Variants in ANO4 observed in about 807,000 individuals in gnomAD.
The protein encoded by ANO4 is anoctamin-4.
ANO4 carries 69 observed loss-of-function variants against 141.9 expected under a neutral mutation model. That is an observed-to-expected ratio of 0.49 (90% CI 0.40 to 0.59). ANO4 has a LOEUF of 0.59. ANO4 is among the 20% of genes least tolerant of loss of function. The pLI is 0.00. For synonymous variants in ANO4, 350 were observed against 394.3 expected (o/e 0.89, Z 1.33); for missense variants, 894 against 1,162.2 (o/e 0.77, Z 3.36).
intron 1 of ANO4, among the ~76,000 whole-genome samples, chr12:100,840,037 C>G (rs1383384917): frequency 6.6e-6 from 1 of 152,002 alleles, no homozygotes; most frequent in Non-Finnish European, 1.5e-5. Context: ...AGGCTGTGGC[C>G]TTTTCCCCAC....
intron 1 of ANO4, among the ~76,000 whole-genome samples, chr12:100,860,845 A>G (rs780950335): frequency 3.3e-5 from 5 of 152,216 alleles, no homozygotes; most frequent in Non-Finnish European, 7.3e-5. Flanking sequence ...TTATCATTGT[A>G]TGACTATCAC....
rs918097634 is a variant in ANO4, at chr12:100,762,699, C to G, written c.358+22594C>G. 3.3e-5 allele frequency among the ~76,000 whole-genome samples: 5 copies of G among 152,216 alleles called. No individual in the cohort carries two copies. In the South Asian group the frequency reaches 8.3e-4, roughly 25 times the overall value. On this transcript the variant is annotated intron_variant, in intron 3 of 29. Transcript: ENST00000644049. ...CGGAGGTCTCAGGCCCTTCCAGAAC[C>G]TGCTCAATTTCTCTCTGGATCAGGC...
intron 8 of ANO4, among the ~76,000 whole-genome samples, chr12:100,999,597 C>G (rs1233002217): frequency 1.3e-5 from 2 of 152,036 alleles, no homozygotes; most frequent in South Asian, 4.2e-4. Flanking sequence ...ATAATATTGC[C>G]TATCACAGCT....
At chr12:100,899,800 AT>A (rs1398887814) in intron 1 of ANO4, among the ~76,000 whole-genome samples, 2 of 152,032 alleles carry the variant, frequency 1.3e-5, no homozygotes, top group African/African-American at 2.4e-5. Context: ...CTTTAAAATA[AT>A]TTTTTTTACA....
intron 1 of ANO4, among the ~76,000 whole-genome samples, chr12:100,854,781 T>A (rs1159410462): frequency 1.3e-5 from 2 of 152,224 alleles, no homozygotes; most frequent in Non-Finnish European, 2.9e-5. Flanking sequence ...ATCTGCTTAA[T>A]CTTCCTCATC....
At chr12:100,834,247 T>TA in intron 1 of ANO4, among the ~76,000 whole-genome samples, 1 of 152,138 alleles carries the variant, frequency 6.6e-6, no homozygotes. Flanking sequence ...TCAGCCCAGC[T>TA]ACACCAGGGC....
At chr12:100,732,469 A>T (rs2031420496) in intron 1 of ANO4, among the ~76,000 whole-genome samples, 1 of 152,168 alleles carries the variant, frequency 6.6e-6, no homozygotes, top group African/African-American at 2.4e-5. Flanking sequence ...TTTATATAAC[A>T]ATCCTTTATC....
chr12:100,984,913 ATT>A (rs57931112), intron 7 of ANO4, among the ~76,000 whole-genome samples: 54 of 150,518 alleles, frequency 3.6e-4, no homozygotes, highest in African/African-American at 6.1e-4. Context: ...GTTATGCCTG[ATT>A]TTTTTTTTTT....
At chr12:100,857,978 T>G (rs926135780) in intron 1 of ANO4, among the ~76,000 whole-genome samples, 3 of 152,190 alleles carry the variant, frequency 2.0e-5, no homozygotes, top group African/African-American at 7.2e-5. Flanking sequence ...ATTTAATTCC[T>G]CAGCAGAGAT....
At chr12:100,960,169 A>G (rs2043352257) in intron 5 of ANO4, among the ~76,000 whole-genome samples, 1 of 152,172 alleles carries the variant, frequency 6.6e-6, no homozygotes, top group Non-Finnish European at 1.5e-5. Flanking sequence ...GAAGGAGAGG[A>G]GAACCGATGC....
chr12:100,988,643 CA>C, intron 8 of ANO4, among the ~76,000 whole-genome samples: 1 of 151,582 alleles, frequency 6.6e-6, no homozygotes, highest in Non-Finnish European at 1.5e-5. Context: ...GAGGCAGAGG[CA>C]GGCAGATCAC....
intron 5 of ANO4, among the ~76,000 whole-genome samples, chr12:100,957,300 A>C (rs1397664504): frequency 6.6e-6 from 1 of 152,134 alleles, no homozygotes; most frequent in Admixed American, 6.5e-5. Context: ...ATAACAACCT[A>C]CTTTTGTGGG....
intron 5 of ANO4, among the ~76,000 whole-genome samples, chr12:100,964,131 A>T (rs1272614218): frequency 1.3e-5 from 2 of 152,150 alleles, no homozygotes; most frequent in East Asian, 3.9e-4. Context: ...ATAATTAAGC[A>T]TTCCTTCAAA....
chr12:101,011,574 G>T (rs2046094464), intron 8 of ANO4, among the ~76,000 whole-genome samples: 2 of 152,170 alleles, frequency 1.3e-5, no homozygotes, highest in Non-Finnish European at 1.5e-5. Flanking sequence ...CAAGTTACCT[G>T]CTCCCTACAA....
At chr12:101,053,012 G>A (rs1384501276) in intron 14 of ANO4, among the ~76,000 whole-genome samples, 1 of 152,200 alleles carries the variant, frequency 6.6e-6, no homozygotes, top group Non-Finnish European at 1.5e-5. Context: ...ACCATGTTGT[G>A]CATCTTCTGT....
intron 14 of ANO4, among the ~76,000 whole-genome samples, chr12:101,065,602 G>A (rs1232625748): frequency 6.6e-6 from 1 of 152,082 alleles, no homozygotes; most frequent in East Asian, 1.9e-4. Flanking sequence ...TGAGTAACAA[G>A]ATAGAAGCCA....
intron 22 of ANO4, among the ~76,000 whole-genome samples, chr12:101,102,936 G>C (rs1343083425): frequency 6.6e-6 from 1 of 151,494 alleles, no homozygotes; most frequent in Non-Finnish European, 1.5e-5. Context: ...ATTTAGATTA[G>C]AGTTGTTTCT....
chr12:101,048,289 T>A, intron 13 of ANO4, 52 bp from the exon 14 acceptor site: 2 of 1,569,450 alleles, frequency 1.3e-6, no homozygotes, highest in South Asian at 2.3e-5. Context: ...AAATTTGAAT[T>A]GGAATATCAT....
intron 1 of ANO4, among the ~76,000 whole-genome samples, chr12:100,853,093 C>A (rs4764762): frequency 1.3e-5 from 2 of 151,946 alleles, no homozygotes; most frequent in Non-Finnish European, 2.9e-5. Flanking sequence ...TGAATTTCCC[C>A]TTTGATGAGC....
Sources: gnomAD v4.1 joint callset for allele counts (sites outside exome capture counted in the v4.1 genomes callset) on GRCh38, gnomAD v4.1.1 for gene constraint, MANE v1.5 for transcripts, NCBI Gene and HGNC (gene_info 2026-07-23, HGNC 2026-07-21) for gene names.